Variants in TTC27 observed in about 807,000 individuals in gnomAD.
The protein encoded by TTC27 is tetratricopeptide repeat domain 27.
A neutral mutation model predicts 115.9 loss-of-function variants in TTC27; 79 were observed. The ratio of observed to expected loss-of-function variants is 0.68; its 90% confidence interval spans 0.57 to 0.82. The LOEUF (loss-of-function observed/expected upper bound fraction) is 0.82. Ranked by LOEUF, TTC27 falls within the 40% of genes least tolerant of loss-of-function variation. The pLI, the probability that TTC27 is intolerant of heterozygous loss-of-function variation, is 0.00. For missense variants in TTC27, 1,054 were observed against 993.1 expected (o/e 1.06, Z -0.82); for synonymous variants, 401 against 356.0 (o/e 1.13, Z -1.42).
At chr2:32,738,810 A>T (rs550511797) in intron 12 of TTC27, among the ~76,000 whole-genome samples, 2 of 152,346 alleles carry the variant, frequency 1.3e-5, no homozygotes, top group East Asian at 3.8e-4. Context: ...GCAGCAACCA[A>T]GTGCTTTATG....
chr2:32,742,857 C>G (rs867503320), intron 12 of TTC27, among the ~76,000 whole-genome samples: 26 of 152,010 alleles, frequency 1.7e-4, no homozygotes, highest in African/African-American at 6.0e-4. Flanking sequence ...AGACTATGGC[C>G]AATGTTTTGT....
At chr2:32,630,809 T>TGCCTTATGGTG (rs1664159003) in intron 2 of TTC27, 109 bp downstream of exon 2, 1 of 1,012,490 alleles carries the variant, frequency 9.9e-7, no homozygotes, top group Non-Finnish European at 1.4e-6. Context: ...GCCTTATATT[T>TGCCTTATGGTG]TACTCAAGAC....
chr2:32,792,372 A>C (rs1433504281), intron 16 of TTC27, among the ~76,000 whole-genome samples: 1 of 152,234 alleles, frequency 6.6e-6, no homozygotes, highest in Non-Finnish European at 1.5e-5. Context: ...CCTGAGGCTC[A>C]GCAAAGTGAA....
intron 3 of TTC27, among the ~76,000 whole-genome samples, chr2:32,637,550 C>T (rs900411818): frequency 2.0e-5 from 3 of 152,068 alleles, no homozygotes; most frequent in Non-Finnish European, 4.4e-5. Flanking sequence ...CCAGGCTGCT[C>T]TCAAGCTCTT....
intron 16 of TTC27, among the ~76,000 whole-genome samples, chr2:32,792,237 G>A (rs567998164): frequency 6.6e-6 from 1 of 152,302 alleles, no homozygotes; most frequent in Admixed American, 6.5e-5. Flanking sequence ...CAATGAAATT[G>A]AAGTTCTGGG....
At chr2:32,709,682 C>T (rs1010495541) in intron 10 of TTC27, among the ~76,000 whole-genome samples, 19 of 152,116 alleles carry the variant, frequency 1.2e-4, no homozygotes, top group Admixed American at 2.0e-4. Flanking sequence ...TGGATATGGG[C>T]GGCCTCAGGG....
chr2:32,636,578 T>C (rs761738042), intron 3 of TTC27, among the ~76,000 whole-genome samples: 3 of 152,166 alleles, frequency 2.0e-5, no homozygotes, highest in Non-Finnish European at 4.4e-5. Context: ...GTGAAAAGAC[T>C]GAAGCTCAGA....
intron 13 of TTC27, among the ~76,000 whole-genome samples, chr2:32,768,017 TGAAA>T (rs538543387): frequency 1.4e-3 from 218 of 152,288 alleles, no homozygotes; most frequent in Middle Eastern, 3.4e-3. Context: ...AAGATCATAT[TGAAA>T]GAATATATTC....
chr2:32,629,788 T>G (rs934959342), intron 1 of TTC27, among the ~76,000 whole-genome samples: 12 of 152,272 alleles, frequency 7.9e-5, no homozygotes, highest in African/African-American at 2.6e-4. Context: ...ACCAGAGAGA[T>G]AAAGAGTTAA....
chr2:32,653,791 T>G (rs2151872095), intron 5 of TTC27, among the ~76,000 whole-genome samples: 1 of 152,320 alleles, frequency 6.6e-6, no homozygotes, highest in South Asian at 2.1e-4. Context: ...GAGATTTTGG[T>G]TTTAGCATAC....
chr2:32,792,426 G>A (rs1444543001), intron 16 of TTC27, among the ~76,000 whole-genome samples: 1 of 152,168 alleles, frequency 6.6e-6, no homozygotes, highest in Non-Finnish European at 1.5e-5. Flanking sequence ...GTAAAGCTAA[G>A]GCTTGACATC....
chr2:32,756,786 G>A (rs1478304102), intron 12 of TTC27, among the ~76,000 whole-genome samples: 3 of 152,212 alleles, frequency 2.0e-5, no homozygotes, highest in Non-Finnish European at 4.4e-5. Context: ...AGCGTCCTTG[G>A]CAGCACCACT....
chr2:32,752,767 G>C (rs1381034637), intron 12 of TTC27, among the ~76,000 whole-genome samples: 1 of 152,188 alleles, frequency 6.6e-6, no homozygotes, highest in Non-Finnish European at 1.5e-5. Flanking sequence ...AAACTTAGTA[G>C]ATTTGGAGAA....
chr2:32,675,948 T>G (rs1049812113), intron 8 of TTC27, among the ~76,000 whole-genome samples: 1 of 151,998 alleles, frequency 6.6e-6, no homozygotes, highest in African/African-American at 2.4e-5. Flanking sequence ...CCCACCACCA[T>G]GCTCATCTAA....
intron 5 of TTC27, among the ~76,000 whole-genome samples, chr2:32,653,783 G>A (rs1665221342): frequency 6.6e-6 from 1 of 152,176 alleles, no homozygotes; most frequent in African/African-American, 2.4e-5. Context: ...CGTGAGAAGA[G>A]ATTTTGGTTT....
chr2:32,712,744 AC>A (rs1365804962), intron 10 of TTC27, among the ~76,000 whole-genome samples: 1 of 151,918 alleles, frequency 6.6e-6, no homozygotes, highest in Non-Finnish European at 1.5e-5. Context: ...ACAAGGTTTC[AC>A]CACATTACCC....
At chr2:32,763,808 A>C (rs770079058) in intron 13 of TTC27, among the ~76,000 whole-genome samples, 1 of 152,210 alleles carries the variant, frequency 6.6e-6, no homozygotes, top group Admixed American at 6.5e-5. Context: ...TCATTTTTGC[A>C]AGTGACTTCT....
chr2:32,695,866 C>T (rs1204261590), intron 9 of TTC27, among the ~76,000 whole-genome samples: 4 of 150,706 alleles, frequency 2.7e-5, no homozygotes, highest in Non-Finnish European at 5.9e-5. Context: ...ATGGCGCCGT[C>T]GCACTCTAGC....
intron 13 of TTC27, among the ~76,000 whole-genome samples, chr2:32,763,728 A>G (rs1031025181): frequency 2.0e-5 from 3 of 152,328 alleles, no homozygotes; most frequent in East Asian, 1.9e-4. Flanking sequence ...TCATTAGAGA[A>G]CCAAAAGACG....
Sources: allele counts gnomAD v4.1 joint callset (sites outside exome capture counted in the v4.1 genomes callset), GRCh38; gene constraint gnomAD v4.1.1; transcripts MANE v1.5; gene names NCBI Gene and HGNC (gene_info 2026-07-23, HGNC 2026-07-21).